The following SMPD4 variants were observed in gnomAD, a reference collection of about 807,000 sequenced individuals.
The protein encoded by SMPD4 is neutral sphingomyelinase 3.
A neutral mutation model predicts 97.8 loss-of-function variants in SMPD4; 58 were observed. The ratio of observed to expected loss-of-function variants is 0.59; its 90% CI spans 0.48 to 0.74. The LOEUF is 0.74. SMPD4 is among the 30% of genes least tolerant of loss of function. The pLI, the probability that SMPD4 is intolerant of heterozygous loss-of-function variation, is 0.00. For missense variants in SMPD4, 853 were observed against 1,080.5 expected (o/e 0.79, Z 2.95); for synonymous variants, 388 against 450.0 (o/e 0.86, Z 1.74).
At chr2:130,176,822 C>T (rs1689019614) in intron 1 of SMPD4, among the ~76,000 whole-genome samples, 185 bp from the exon 2 acceptor site, 1 of 152,020 alleles carries the variant, frequency 6.6e-6, no homozygotes. Flanking sequence ...TGAGTACAGG[C>T]ACGTGCCACT....
At chr2:130,156,833 G>C (rs1020554638) in intron 12 of SMPD4, 158 bp from the exon 13 acceptor site, 1 of 1,541,328 alleles carries the variant, frequency 6.5e-7, no homozygotes, top group African/African-American at 1.4e-5. Context: ...AAGAAATCAA[G>C]GTTCAGAGAG....
At chr2:130,156,801 G>A in intron 12 of SMPD4, 126 bp from the exon 13 acceptor site, 4 of 1,548,026 alleles carry the variant, frequency 2.6e-6, no homozygotes, top group Non-Finnish European at 3.5e-6. Flanking sequence ...CCTCCGGGAG[G>A]TTCAGCCCCA....
chr2:130,164,331 C>T (rs376121398), intron 10 of SMPD4, 43 bp downstream of exon 10: 143 of 1,534,868 alleles, frequency 9.3e-5, no homozygotes, highest in Non-Finnish European at 1.0e-4. Flanking sequence ...GCAGGCTGAG[C>T]AGGGTCAGAA....
chr2:130,155,791 G>A (rs1686722967), intron 14 of SMPD4, among the ~76,000 whole-genome samples: 1 of 152,152 alleles, frequency 6.6e-6, no homozygotes, highest in African/African-American at 2.4e-5. Flanking sequence ...AAGGGAGAGG[G>A]GACAGGGCAG....
chr2:130,181,186 C>T, intron 1 of SMPD4: 1 of 997,050 alleles, frequency 1.0e-6, no homozygotes, highest in Non-Finnish European at 1.3e-6. Context: ...CTGGGACCCA[C>T]ACCCGGCTCT....
chr2:130,152,527 C>A lies in SMPD4; in HGVS notation c.*28G>T. The A allele has an allele frequency of 6.5e-7, 1 of 1,529,752 alleles. No homozygotes were observed. The highest frequency in any genetic ancestry group is 1.2e-5 in the South Asian group (1 of 82,388). The allele number at this position is 1,529,752 out of a possible 1,614,324, so 94.8% of individuals were successfully genotyped here. ...GGTGGGGCTGTGTGGCAAATCCCTC[C>A]AGCCTGCTCTGAAGGCAGCTGACAC... On this transcript the variant is annotated 3_prime_UTR_variant, in exon 20 of 20. Coordinates refer to ENST00000680298, the MANE Select transcript of SMPD4 (RefSeq NM_017951.5).
rs1688054560 is a variant in SMPD4, at chr2:130,167,590, C to T, written c.660G>A (p.Arg220=). 1.3e-5 allele frequency: 21 copies of T among 1,598,078 alleles called. 1 individual carries two copies. In the East Asian group the frequency reaches 4.7e-4, roughly 36 times the overall value. The part of the protein sequence containing the change: ...PGGTSPSPPP[R]TPAIPFASYG... ...AGGAAGCAAAGGGTATGGCTGGTGT[C>T]CTGAGGGAGACACAGAAACAGGCCC... Residue 220 remains arginine (R), a splice_region_variant and synonymous_variant, in exon 9 of 20, where the codon AGG becomes AGA. Transcript: ENST00000680298.
intron 1 of SMPD4, among the ~76,000 whole-genome samples, chr2:130,177,428 T>G (rs1008768344): frequency 2.0e-5 from 3 of 152,046 alleles, no homozygotes; most frequent in African/African-American, 7.2e-5. Context: ...CCGGGCATGG[T>G]GGCTCCCACC....
rs749911832 is a variant in SMPD4 at position 130,155,188 on chromosome 2, C to G, written c.1361G>C (p.Arg454Pro). The G allele has an allele frequency of 1.9e-6, 3 of 1,614,200 alleles. No individual in the cohort carries two copies. Among genetic ancestry groups the G allele is most frequent in the Non-Finnish European group, 1.7e-6 (2 of 1,180,042 alleles). ...LFVGFLNRAL[R>P]TDLVSPKHAL... ...GTGCTTGGGGCTGACCAGGTCTGTG[C>G]GGAGCGCGCGGTTCAGAAAGCCCAC... The change falls in exon 15 of 20, where the codon CGC becomes CCC. Residue 454 changes from arginine to proline, a missense_variant. Physicochemically the swap from Arg to Pro is moderately radical, Grantham distance 103 (BLOSUM62 -2). Around this residue, in one of 3 missense-constraint regions of SMPD4, gnomAD observed 511 missense variants for 608.1 expected, o/e 0.84. Coordinates refer to ENST00000680298, the MANE Select transcript of SMPD4 (RefSeq NM_017951.5).
At chr2:130,160,540 A>C (rs533345291) in intron 11 of SMPD4, among the ~76,000 whole-genome samples, 19 of 152,228 alleles carry the variant, frequency 1.2e-4, no homozygotes, top group South Asian at 8.3e-4. Flanking sequence ...TGCAACCTCT[A>C]TGAGGTCACC....
intron 1 of SMPD4, among the ~76,000 whole-genome samples, chr2:130,179,497 G>A (rs1397467459): frequency 1.4e-5 from 2 of 146,592 alleles, no homozygotes; most frequent in African/African-American, 2.5e-5. Context: ...AACGGTTCTC[G>A]TGCCTCAGCC....
chr2:130,174,218 A>G (rs1688759769), intron 3 of SMPD4, among the ~76,000 whole-genome samples: 1 of 152,142 alleles, frequency 6.6e-6, no homozygotes, highest in African/African-American at 2.4e-5. Flanking sequence ...ATAGGTTCTC[A>G]GTATGTTGCC....
intron 1 of SMPD4, among the ~76,000 whole-genome samples, chr2:130,179,629 C>T (rs967044486): frequency 2.6e-5 from 4 of 151,634 alleles, no homozygotes; most frequent in South Asian, 4.2e-4. Flanking sequence ...TCAAGTGATC[C>T]GCTGCCTCAG....
intron 1 of SMPD4, among the ~76,000 whole-genome samples, chr2:130,179,892 A>G (rs1420251846): frequency 1.3e-5 from 2 of 151,748 alleles, no homozygotes; most frequent in Admixed American, 6.6e-5. Context: ...TGACCTCGTG[A>G]TCAGCCCTCC....
intron 12 of SMPD4, chr2:130,156,912 AC>A (rs1234794259): frequency 1.7e-6 from 2 of 1,155,974 alleles, no homozygotes; most frequent in Non-Finnish European, 2.5e-6. Context: ...CACACACCTC[AC>A]CCTCCGTCCC....
intron 10 of SMPD4, among the ~76,000 whole-genome samples, chr2:130,163,105 ACACAATGCGGTGCAGTGGCCTCTGCCC>A (rs1306636009): frequency 1.3e-5 from 2 of 152,208 alleles, no homozygotes; most frequent in African/African-American, 4.8e-5. Flanking sequence ...AGCAACAGGA[ACACAATGCGGTGCAGTGGCCTCTGCCC>A]CTGCCAGGCC....
At position 130,153,259 on chromosome 2, in the gene SMPD4, G is replaced by A. The variant is rs1686409949; in HGVS notation, c.2025+60C>T. The A allele has an allele frequency of 9.9e-6, 16 of 1,612,582 alleles. No individual in the cohort carries two copies. The South Asian group carries it at 1.2e-4, about 12-fold the overall frequency. ...CTGATGGCCTCTGCTCACAAGGGAG[G>A]AGGGAGCTGGGGACGGGTCAGGGCC... On this transcript the variant is annotated intron_variant, in intron 18 of 19. Coordinates refer to ENST00000680298, the MANE Select transcript of SMPD4 (RefSeq NM_017951.5).
chr2:130,157,392 G>A lies in SMPD4; in HGVS notation c.956C>T (p.Ser319Leu), dbSNP rs531230637. ...SLQALHAYQE[S>L]FTPTEEHVLV... The stretch of plus-strand genomic sequence containing the variant: ...CACATGCTCCTCAGTAGGCGTGAAC[G>A]ACTCCTGGGTGGAGAAGGAGGGGTG... The change falls in exon 12 of 20, where the codon TCG becomes TTG. Residue 319 changes from serine (S) to leucine (L), a missense_variant. Physicochemically the swap from Ser to Leu is moderately radical, Grantham distance 145. Coordinates refer to ENST00000680298, the MANE Select transcript of SMPD4 (RefSeq NM_017951.5). The A allele has an allele frequency of 3.3e-5, 53 of 1,610,580 alleles. No individual in the cohort carries two copies. The Admixed American group carries it at 7.0e-4, about 21-fold the overall frequency.
At position 130,153,723 on chromosome 2, in the gene SMPD4, C is replaced by T. The variant is rs1448821077; in HGVS notation, c.1872G>A (p.Glu624=). 2.5e-6 allele frequency: 4 copies of T among 1,613,754 alleles called. No individual in the cohort carries two copies. The highest frequency in any genetic ancestry group is 2.5e-6 in the Non-Finnish European group (3 of 1,179,858). ...KTDEYLEKAL[E]YLRQIFRLSE... is the part of the protein sequence containing the mutation. ...GTACCCGGAATATCTGGCGCAGGTA[C>T]TCCAGGGCCTTCTCCAGGTATTCAT... is the stretch of plus-strand genomic sequence containing the variant. Residue 624 remains glutamate (E), a synonymous_variant, in exon 17 of 20, where the codon GAG becomes GAA. Coordinates refer to ENST00000680298, the MANE Select transcript of SMPD4 (RefSeq NM_017951.5).
Sources: allele counts gnomAD v4.1 joint callset (sites outside exome capture counted in the v4.1 genomes callset), GRCh38; gene constraint gnomAD v4.1.1; regional missense constraint gnomAD v4.1.1; transcripts MANE v1.5; gene names NCBI Gene and HGNC (gene_info 2026-07-23, HGNC 2026-07-21).